KLHL13: variants seen among roughly 807,000 people sequenced by gnomAD.
The protein encoded by KLHL13 is kelch-like protein 13.
In KLHL13, 10 loss-of-function variants were observed where a neutral mutation model predicts 37.1. The observed-to-expected ratio is 0.27, with a 90% CI of 0.17 to 0.46. KLHL13 has a LOEUF of 0.46. KLHL13 is among the 20% of genes least tolerant of loss of function. The probability of loss-of-function intolerance (pLI) is 1.00; values close to 1 mark genes in which losing one functional copy is unlikely to be tolerated. For synonymous variants in KLHL13, 163 were observed against 181.2 expected, an observed-to-expected ratio of 0.90 and a Z score of 0.81; for missense variants, 360 against 509.3, an observed-to-expected ratio of 0.71 and a Z score of 2.82.
chrX:117,966,192 T>C (rs1329909130), intron 1 of KLHL13, among the ~76,000 whole-genome samples: 1 of 111,168 alleles, frequency 9.0e-6, no homozygotes, highest in Non-Finnish European at 1.9e-5. Context: ...CAGCAAAGTC[T>C]CCTCCTAACT....
At chrX:118,092,345 T>C (rs1308980945) in intron 1 of KLHL13, among the ~76,000 whole-genome samples, 1 of 111,646 alleles carries the variant, frequency 9.0e-6, no homozygotes, top group African/African-American at 3.2e-5. Flanking sequence ...ACAATTCACA[T>C]GACAGCAGAT....
chrX:118,035,483 G>C (rs1333596136), intron 1 of KLHL13, among the ~76,000 whole-genome samples: 10 of 109,449 alleles, frequency 9.1e-5, no homozygotes, highest in Non-Finnish European at 1.5e-4. Context: ...CAGAACCAAA[G>C]ACAAAAACCA....
chrX:118,073,552 A>G (rs1243661961), intron 1 of KLHL13, among the ~76,000 whole-genome samples: 1 of 111,813 alleles, frequency 8.9e-6, no homozygotes, highest in Admixed American at 9.5e-5. Context: ...GGCTGTGGAT[A>G]TAAGAGTAGA....
At chrX:117,948,800 A>C (rs1933445848) in intron 1 of KLHL13, among the ~76,000 whole-genome samples, 1 of 111,829 alleles carries the variant, frequency 8.9e-6, no homozygotes, top group South Asian at 3.7e-4. Context: ...TACGTGAATC[A>C]CTCAACTGTG....
chrX:118,005,482 CAT>C (rs1360944828), intron 1 of KLHL13, among the ~76,000 whole-genome samples: 1 of 111,360 alleles, frequency 9.0e-6, no homozygotes. Context: ...TGTTGCCTAA[CAT>C]AGCAAGAGAT....
intron 1 of KLHL13, among the ~76,000 whole-genome samples, chrX:118,090,378 A>G (rs1475543148): frequency 9.0e-6 from 1 of 111,526 alleles, no homozygotes; most frequent in Non-Finnish European, 1.9e-5. Flanking sequence ...CTACTTATCT[A>G]ACAAAGGGCT....
chrX:117,904,587 G>T (rs1474800752), intron 5 of KLHL13, among the ~76,000 whole-genome samples: 2 of 111,824 alleles, frequency 1.8e-5, no homozygotes, highest in African/African-American at 6.5e-5. Context: ...ATAAAAATAT[G>T]AATGATTTTA....
At chrX:117,962,302 T>C (rs1199174405) in intron 1 of KLHL13, among the ~76,000 whole-genome samples, 1 of 105,423 alleles carries the variant, frequency 9.5e-6, no homozygotes, top group Non-Finnish European at 1.9e-5. Context: ...AAGAAATACA[T>C]AGAGGTTTGG....
intron 2 of KLHL13, among the ~76,000 whole-genome samples, chrX:117,942,510 T>C (rs1181523725): frequency 8.9e-6 from 1 of 111,749 alleles, no homozygotes; most frequent in Admixed American, 9.5e-5. Flanking sequence ...ATGTGGGTGC[T>C]CCTGTAGTGG....
chrX:117,942,754 G>C (rs1351374344), intron 2 of KLHL13, among the ~76,000 whole-genome samples: 1 of 111,092 alleles, frequency 9.0e-6, no homozygotes, highest in Non-Finnish European at 1.9e-5. Flanking sequence ...CCTGAATACA[G>C]CACACCGATG....
At chrX:118,089,635 A>AAAGAAAGC (rs2055103004) in intron 1 of KLHL13, among the ~76,000 whole-genome samples, 1 of 104,302 alleles carries the variant, frequency 9.6e-6, no homozygotes, top group African/African-American at 3.5e-5. Flanking sequence ...AGAAAGAAAG[A>AAAGAAAGC]AAGAAAGAAA....
intron 1 of KLHL13, among the ~76,000 whole-genome samples, chrX:117,969,696 CATCA>C (rs1467093265): frequency 8.9e-6 from 1 of 111,854 alleles, no homozygotes; most frequent in Non-Finnish European, 1.9e-5. Flanking sequence ...ACTATTTGAT[CATCA>C]ATCAATCTAG....
intron 1 of KLHL13, among the ~76,000 whole-genome samples, chrX:118,108,173 C>T (rs779148137): frequency 8.9e-6 from 1 of 112,199 alleles, no homozygotes; most frequent in Non-Finnish European, 1.9e-5. Flanking sequence ...CTACAAACTA[C>T]AAGCAAAACT....
chrX:117,969,957 T>C (rs2053496356), intron 1 of KLHL13, among the ~76,000 whole-genome samples: 2 of 111,439 alleles, frequency 1.8e-5, no homozygotes, highest in African/African-American at 3.3e-5. Context: ...AGGAAAAAAG[T>C]AATAGTCTTG....
chrX:118,028,288 G>T, intron 1 of KLHL13, 136 bp downstream of exon 2: 1 of 356,118 alleles, frequency 2.8e-6, no homozygotes, highest in Non-Finnish European at 4.9e-6. Context: ...TTGTCACTTA[G>T]TCATTCTCTA....
chrX:117,932,469 CATA>C lies in KLHL13; in HGVS notation c.241-12102_241-12100del, dbSNP rs202142974. On this transcript the variant is annotated intron_variant, in intron 2 of 6. Transcript: ENST00000262820. Reference sequence around the variant, plus strand: ...TCATTGCCTGATTTATTTCACTTAACATAATGTCTTCCAGGTTCATCCATACTG... The same window carrying C: ...TCATTGCCTGATTTATTTCACTTAACATGTCTTCCAGGTTCATCCATACTG... Among the ~76,000 whole-genome samples the C allele has an allele frequency of 9.3e-3, 1,035 of 111,696 alleles. 17 individuals are homozygous for C. Among genetic ancestry groups the C allele is most frequent in the African/African-American group, 0.031 (961 of 30,838 alleles).
chrX:117,950,981 A>C (rs1047455860), intron 1 of KLHL13, among the ~76,000 whole-genome samples: 5 of 112,058 alleles, frequency 4.5e-5, no homozygotes, highest in Non-Finnish European at 7.5e-5. Context: ...TAAATTAAAA[A>C]CTTAAGATGG....
At position 117,910,005 on chromosome X, in the gene KLHL13, T is replaced by G. The variant is rs200522959; in HGVS notation, c.662A>C (p.Lys221Thr). 46 of 1,207,919 alleles carry G rather than the reference T, an allele frequency of 3.8e-5. No individual in the cohort carries two copies. Among genetic ancestry groups the G allele is most frequent in the African/African-American group, 8.7e-5 (5 of 57,167 alleles). ...TGTGCTCAGCAATGCAGGAAAATTC[T>G]TCAAGACGAAACTGTTAACGTATTT... Residue 221 changes from lysine to threonine, a missense_variant, in exon 5 of 7, where the codon AAG becomes ACG. This residue lies in a region of KLHL13 where 194 missense variants were observed against 225.0 expected (regional missense o/e 0.86). Transcript: ENST00000262820.
intron 1 of KLHL13, among the ~76,000 whole-genome samples, chrX:118,022,012 C>T (rs1394308144): frequency 1.8e-5 from 2 of 111,776 alleles, no homozygotes; most frequent in Admixed American, 9.5e-5. Flanking sequence ...TTTCATGTGT[C>T]TGTTGGCTGC....
Sources: allele counts gnomAD v4.1 joint callset (sites outside exome capture counted in the v4.1 genomes callset), GRCh38; gene constraint gnomAD v4.1.1; regional missense constraint gnomAD v4.1.1; transcripts MANE v1.5; gene names NCBI Gene and HGNC (gene_info 2026-07-23, HGNC 2026-07-21).